The following PKN2 variants were observed in gnomAD, a reference collection of about 807,000 sequenced individuals.
PKN2 encodes the protein serine/threonine-protein kinase N2.
In PKN2, 38 loss-of-function variants were observed where a neutral mutation model predicts 119.1. That is an observed-to-expected ratio of 0.32 (90% CI 0.25 to 0.42). The LOEUF (loss-of-function observed/expected upper bound fraction) is 0.42, where lower values mean the gene tolerates loss of function less well. PKN2 is among the 10% of genes least tolerant of loss of function. The pLI is 1.00. For synonymous variants in PKN2, 390 were observed against 384.9 expected, an observed-to-expected ratio of 1.01 and a Z score of -0.15; for missense variants, 850 against 1,165.1, an observed-to-expected ratio of 0.73 and a Z score of 3.94.
intron 1 of PKN2, among the ~76,000 whole-genome samples, chr1:88,697,705 T>G (rs1023273808): frequency 2.0e-5 from 3 of 152,174 alleles, no homozygotes; most frequent in Admixed American, 1.3e-4. Context: ...CCCAAAATGC[T>G]TTTCATTCTT....
At chr1:88,744,270 T>C (rs1041695741) in intron 2 of PKN2, among the ~76,000 whole-genome samples, 10 of 152,194 alleles carry the variant, frequency 6.6e-5, no homozygotes, top group Admixed American at 2.0e-4. Context: ...CTGAAAGGTA[T>C]GAGTGGATTT....
At chr1:88,786,267 A>T in intron 8 of PKN2, 54 bp downstream of exon 8, 1 of 929,570 alleles carries the variant, frequency 1.1e-6, no homozygotes, top group Non-Finnish European at 1.7e-6. Context: ...TTTAAATGTG[A>T]GTTATATTTT....
intron 1 of PKN2, among the ~76,000 whole-genome samples, chr1:88,688,903 G>A (rs1176027347): frequency 6.6e-6 from 1 of 152,174 alleles, no homozygotes; most frequent in Non-Finnish European, 1.5e-5. Flanking sequence ...ATGAAATTAC[G>A]TAGTTTTCTT....
At chr1:88,716,427 T>C (rs1211191095) in intron 1 of PKN2, among the ~76,000 whole-genome samples, 1 of 152,210 alleles carries the variant, frequency 6.6e-6, no homozygotes, top group Non-Finnish European at 1.5e-5. Flanking sequence ...TGTGGGAGTC[T>C]AAGTCTCTTT....
intron 1 of PKN2, among the ~76,000 whole-genome samples, chr1:88,721,476 C>G (rs921516238): frequency 6.6e-6 from 1 of 152,122 alleles, no homozygotes; most frequent in East Asian, 1.9e-4. Flanking sequence ...GGGGGCTTGC[C>G]TGTTTTATCT....
chr1:88,795,468 G>A (rs1005310176), intron 8 of PKN2, among the ~76,000 whole-genome samples: 1 of 152,134 alleles, frequency 6.6e-6, no homozygotes, highest in Non-Finnish European at 1.5e-5. Context: ...TGAAAAATAA[G>A]TTGTGTTCAG....
intron 2 of PKN2, among the ~76,000 whole-genome samples, chr1:88,751,075 G>A (rs574494445): frequency 6.6e-6 from 1 of 152,042 alleles, no homozygotes; most frequent in Non-Finnish European, 1.5e-5. Flanking sequence ...AAATGGTCTG[G>A]CATCTGCCTC....
intron 8 of PKN2, among the ~76,000 whole-genome samples, chr1:88,799,378 C>T (rs1671216951): frequency 6.6e-6 from 1 of 152,308 alleles, no homozygotes; most frequent in Admixed American, 6.5e-5. Context: ...GAATCACTCT[C>T]ATTGGACTGC....
At chr1:88,764,485 A>G (rs1400261780) in intron 3 of PKN2, among the ~76,000 whole-genome samples, 1 of 152,198 alleles carries the variant, frequency 6.6e-6, no homozygotes, top group Non-Finnish European at 1.5e-5. Flanking sequence ...CAGAGACATT[A>G]TCTTGGTTAT....
intron 2 of PKN2, among the ~76,000 whole-genome samples, chr1:88,750,757 A>G (rs1435137291): frequency 1.3e-5 from 2 of 152,164 alleles, no homozygotes; most frequent in Admixed American, 1.3e-4. Flanking sequence ...CCAGTAATCT[A>G]TAAGTAAAAC....
At chr1:88,751,282 T>A (rs2100763703) in intron 2 of PKN2, among the ~76,000 whole-genome samples, 1 of 152,184 alleles carries the variant, frequency 6.6e-6, no homozygotes, top group Middle Eastern at 3.4e-3. Context: ...AATGTTCATA[T>A]ATACACACAT....
intron 18 of PKN2, among the ~76,000 whole-genome samples, chr1:88,826,541 A>G (rs1219035791): frequency 1.3e-5 from 2 of 152,140 alleles, no homozygotes; most frequent in Non-Finnish European, 2.9e-5. Flanking sequence ...CAAATAACAT[A>G]CATTGTACCT....
At chr1:88,710,649 G>C (rs764410033) in intron 1 of PKN2, among the ~76,000 whole-genome samples, 1 of 152,122 alleles carries the variant, frequency 6.6e-6, no homozygotes, top group Non-Finnish European at 1.5e-5. Context: ...AAGTCAAAAA[G>C]TCACAGATGC....
In PKN2 at chr1:88,692,144, G is replaced by C. The variant is rs536026293; in HGVS notation, c.48+7516G>C. Among the ~76,000 whole-genome samples the C allele has an allele frequency of 3.2e-4, 49 of 151,676 alleles. 1 individual carries two copies. The highest frequency in any genetic ancestry group is 1.9e-3 in the South Asian group (9 of 4,776). On this transcript the variant is annotated intron_variant, in intron 1 of 21. Transcript: ENST00000370521. ...TTGATTTTTCACCTGTTATAAATAA[G>C]ATTTATCCACATTTTTGCATGTTGC...
chr1:88,703,768 C>T (rs1666863542), intron 1 of PKN2, among the ~76,000 whole-genome samples: 1 of 152,034 alleles, frequency 6.6e-6, no homozygotes, highest in Admixed American at 6.6e-5. Context: ...ATCAGTTTAG[C>T]TTAATCTCAT....
At chr1:88,691,312 G>A (rs767434499) in intron 1 of PKN2, among the ~76,000 whole-genome samples, 1 of 152,006 alleles carries the variant, frequency 6.6e-6, no homozygotes, top group Non-Finnish European at 1.5e-5. Flanking sequence ...CAGTCCACCT[G>A]CCTTGGCCTC....
intron 8 of PKN2, among the ~76,000 whole-genome samples, chr1:88,801,565 C>T (rs1433489704): frequency 6.6e-6 from 1 of 152,136 alleles, no homozygotes; most frequent in Non-Finnish European, 1.5e-5. Context: ...GGAGTACTAA[C>T]ATAAAATATC....
In PKN2 at chr1:88,695,267, T is replaced by C. The variant is rs372744641; in HGVS notation, c.48+10639T>C. 1.5e-4 allele frequency among the ~76,000 whole-genome samples: 23 copies of C among 152,338 alleles called. 1 individual carries two copies. In the East Asian group the frequency reaches 2.5e-3, roughly 17 times the overall value. On this transcript the variant is annotated intron_variant, in intron 1 of 21. Transcript: ENST00000370521. ...CTAACTTGCAAAAATTAATCAAATA[T>C]GATTAATTAAAATTAATTAAAATTA... is the stretch of plus-strand genomic sequence containing the variant.
In PKN2 at chr1:88,805,568, A is replaced by G. The variant is rs763753464; in HGVS notation, c.1573A>G (p.Ile525Val). ...ATWGRLVRRA[I>V]PTVNHSGTFS... ...TTGGGGAAGGCTAGTAAGAAGAGCT[A>G]TTCCTACAGTAAATCATTCTGGCAC... Residue 525 changes from isoleucine (I) to valine (V), a missense_variant, in exon 11 of 22, where the codon ATT (isoleucine) becomes GTT (valine). Around this residue, in one of 9 missense-constraint regions of PKN2, gnomAD observed 216 missense variants for 252.8 expected, o/e 0.85. Transcript: ENST00000370521. The G allele has an allele frequency of 6.9e-5, 112 of 1,613,756 alleles. 1 individual carries two copies. The Admixed American group carries it at 1.8e-3, about 26-fold the overall frequency.
Sources: gnomAD v4.1 joint callset for allele counts (sites outside exome capture counted in the v4.1 genomes callset) on GRCh38, gnomAD v4.1.1 for gene constraint, gnomAD v4.1.1 regional missense constraint, MANE v1.5 for transcripts, NCBI Gene and HGNC (gene_info 2026-07-23, HGNC 2026-07-21) for gene names.